The following TRIM54 variants were observed in gnomAD, a reference collection of about 807,000 sequenced individuals.
TRIM54 encodes tripartite motif-containing protein 54.
In TRIM54, 40 loss-of-function variants were observed where a neutral mutation model predicts 42.0. That is an observed-to-expected ratio of 0.95 (90% CI 0.74 to 1.24). The LOEUF is 1.24. TRIM54 is among the 50% of genes most tolerant of loss of function. The pLI is 0.00. For missense variants in TRIM54, 485 were observed against 480.3 expected (o/e 1.01, Z -0.09); for synonymous variants, 199 against 194.9 (o/e 1.02, Z -0.17).
chr2:27,285,372 C>T (rs10190503), intron 1 of TRIM54, among the ~76,000 whole-genome samples: 7,563 of 152,206 alleles, frequency 0.05, 595 homozygotes, highest in African/African-American at 0.17. Flanking sequence ...TTTTCCTCTA[C>T]CTTCAAACCA....
At chr2:27,296,840 C>G (rs1381281811) in intron 1 of TRIM54, among the ~76,000 whole-genome samples, 2 of 152,090 alleles carry the variant, frequency 1.3e-5, no homozygotes, top group African/African-American at 2.4e-5. Flanking sequence ...CTCACTGCAG[C>G]CTCTGTCTCC....
At chr2:27,303,174 C>T (rs889437736) in intron 3 of TRIM54, among the ~76,000 whole-genome samples, 2 of 152,138 alleles carry the variant, frequency 1.3e-5, no homozygotes, top group Non-Finnish European at 2.9e-5. Context: ...CAGCATTTCG[C>T]AGAGGACCAG....
chr2:27,285,745 T>G (rs1412008059), intron 1 of TRIM54, among the ~76,000 whole-genome samples: 1 of 152,232 alleles, frequency 6.6e-6, no homozygotes, highest in Non-Finnish European at 1.5e-5. Flanking sequence ...AATAGCTGTG[T>G]AGTTTTCATT....
rs1046828131 is a variant in TRIM54 at position 27,306,567 on chromosome 2, A to G, written c.*1+25A>G. ...GGTGAGAGCCGCCCGATGGGCCTTA[A>G]GGTGAGAGCGGCCTGAGGGGCTTGG... On this transcript the variant is annotated intron_variant, in intron 8 of 8. Coordinates refer to ENST00000380075, the MANE Select transcript of TRIM54 (RefSeq NM_187841.3). The surrounding 1 kb of genome is among the most constrained non-coding windows in gnomAD (Gnocchi z 6.1). The G allele has an allele frequency of 6.6e-6, 10 of 1,516,980 alleles. No individual in the cohort carries two copies. In the African/African-American group the frequency reaches 1.1e-4, roughly 17 times the overall value. 94.0% of individuals were successfully genotyped at this position (1,516,980 alleles called of 1,614,324 possible).
intron 1 of TRIM54, among the ~76,000 whole-genome samples, chr2:27,286,374 C>T (rs1416910147): frequency 1.3e-5 from 2 of 152,142 alleles, no homozygotes; most frequent in East Asian, 1.9e-4. Flanking sequence ...AACTCTTTCT[C>T]TCTGAATTGA....
chr2:27,306,477 A>G lies in TRIM54; in HGVS notation c.1013A>G (p.Glu338Gly), dbSNP rs1438948633. The change falls in exon 8 of 9, where the codon GAG (glutamate) becomes GGG (glycine). Residue 338 changes from glutamate to glycine, a missense_variant. Transcript: ENST00000380075. The surrounding 1 kb of genome is among the most constrained non-coding windows in gnomAD (Gnocchi z 6.1). ...TCAGGCGCTTCCGGGGAGGAAGAGGAGGTGGCCCCAGACGGAGAGGAGGGC... is the reference window on the plus strand; with the variant it reads ...TCAGGCGCTTCCGGGGAGGAAGAGGGGGTGGCCCCAGACGGAGAGGAGGGC... The part of the protein sequence containing the change: ...FQPGASGEEE[E>G]VAPDGEEGSA... 2.5e-6 allele frequency: 4 copies of G among 1,589,926 alleles called. No homozygotes were observed. The highest frequency in any genetic ancestry group is 1.1e-5 in the South Asian group (1 of 88,686).
chr2:27,300,361 C>T (rs529448031), intron 3 of TRIM54, among the ~76,000 whole-genome samples: 12 of 151,728 alleles, frequency 7.9e-5, no homozygotes, highest in African/African-American at 1.7e-4. Context: ...TTAGTAGAGA[C>T]GGGGCTTCAC....
In TRIM54 at chr2:27,307,323, C is replaced by T; in HGVS notation, c.*438C>T. The T allele has an allele frequency of 1.1e-6, 1 of 895,384 alleles. No individual in the cohort carries two copies. Among genetic ancestry groups the T allele is most frequent in the Non-Finnish European group, 1.6e-6 (1 of 611,252 alleles). 55.5% of individuals were successfully genotyped at this position (895,384 alleles called of 1,614,324 possible). ...CCCCCCACAGCATTTTGTTCCCCTC[C>T]CGCTGGCCCGGGGGCCCCACCTTCC... On this transcript the variant is annotated 3_prime_UTR_variant, in exon 9 of 9. Transcript: ENST00000380075. This position sits in a 1 kb window ranked among gnomAD's most constrained non-coding sequence, Gnocchi z 6.9.
At chr2:27,302,424 C>T (rs143965576) in intron 3 of TRIM54, among the ~76,000 whole-genome samples, 130 of 151,434 alleles carry the variant, frequency 8.6e-4, no homozygotes, top group African/African-American at 2.9e-3. Flanking sequence ...CCAGCCTGGG[C>T]GACAGAGCGA....
In TRIM54 at chr2:27,282,518, G is replaced by A. The variant is rs185109450; in HGVS notation, c.-214G>A. ...GAGAGAGAGGGATAGCTAAAACTAC[G>A]TGAGCCTGGCGAGGGTGCAGAGCAG... On this transcript the variant is annotated 5_prime_UTR_variant, in exon 1 of 9. It adds an upstream start codon to the 5' untranslated region. Transcript: ENST00000380075. 110 of 413,490 alleles carry A rather than the reference G, an allele frequency of 2.7e-4. No homozygotes were observed. The East Asian group carries it at 4.1e-3, about 15-fold the overall frequency. 25.6% of individuals were successfully genotyped at this position (413,490 alleles called of 1,614,324 possible).
At position 27,299,751 on chromosome 2, in the gene TRIM54, G is replaced by T. The variant is rs1191295118; in HGVS notation, c.513+335G>T. The T allele has an allele frequency of 5.0e-6, 3 of 601,936 alleles. No homozygotes were observed. In the African/African-American group the frequency reaches 5.6e-5, roughly 11 times the overall value. The allele number at this position is 601,936 out of a possible 1,614,324, so 37.3% of individuals were successfully genotyped here. A position where few individuals can be genotyped will look rare whatever the true frequency, so the allele number is the denominator to read the frequency against. ...GATGGAGTCTCGCTCTGTCGCCCAG[G>T]CTGGAGTGCAGTGGTGCAGTCTTGG... On this transcript the variant is annotated intron_variant, in intron 3 of 8. Coordinates refer to ENST00000380075, the MANE Select transcript of TRIM54 (RefSeq NM_187841.3).
At chr2:27,294,834 G>T (rs1208135211) in intron 1 of TRIM54, among the ~76,000 whole-genome samples, 2 of 138,828 alleles carry the variant, frequency 1.4e-5, no homozygotes, top group African/African-American at 5.4e-5. Context: ...AGGTTGCAGT[G>T]AGCTGAGATT....
chr2:27,297,185 CTT>C (rs1469768652), intron 1 of TRIM54, among the ~76,000 whole-genome samples: 7 of 152,226 alleles, frequency 4.6e-5, no homozygotes, highest in Non-Finnish European at 8.8e-5. Flanking sequence ...CACATAGACT[CTT>C]TTCTCTGTAG....
At chr2:27,285,029 G>A (rs1419966751) in intron 1 of TRIM54, among the ~76,000 whole-genome samples, 1 of 152,192 alleles carries the variant, frequency 6.6e-6, no homozygotes, top group Non-Finnish European at 1.5e-5. Context: ...AGAATATTTG[G>A]AGATAACATG....
At chr2:27,283,780 G>GCACACACACACACA (rs1311012339) in intron 1 of TRIM54, among the ~76,000 whole-genome samples, 2 of 76,510 alleles carry the variant, frequency 2.6e-5, no homozygotes, top group African/African-American at 1.7e-4. Flanking sequence ...ACACACACAC[G>GCACACACACACACA]CGCGCACACA....
At chr2:27,299,144 A>G (rs1678951301) in intron 2 of TRIM54, 101 bp from the exon 3 acceptor site, 4 of 1,346,324 alleles carry the variant, frequency 3.0e-6, no homozygotes, top group Admixed American at 3.8e-5. Context: ...CACTAGCTGC[A>G]GGGGCGGAGA....
intron 1 of TRIM54, among the ~76,000 whole-genome samples, chr2:27,283,768 A>ACG (rs1678459402): frequency 3.0e-4 from 28 of 93,936 alleles, no homozygotes; most frequent in African/African-American, 1.5e-3. Context: ...GCAAAGGCAC[A>ACG]CACACACACA....
chr2:27,305,921 T>C (rs924951618), intron 5 of TRIM54, 104 bp downstream of exon 5: 2 of 1,364,776 alleles, frequency 1.5e-6, no homozygotes, highest in Non-Finnish European at 1.0e-6. Context: ...TGCTTGCCCC[T>C]ACGACCTTGG....
chr2:27,305,767 G>T lies in TRIM54; in HGVS notation c.793G>T (p.Glu265Ter), dbSNP rs1402920169. Residue 265 changes from glutamate to a stop codon, truncating the protein, a stop_gained, in exon 5 of 9, where the codon GAG becomes TAG. Transcript: ENST00000380075. LOFTEE classifies it high-confidence loss of function. Reference protein sequence around the residue: ...DHLEASSKLVESAIQSMEEPQ... With the variant: ...DHLEASSKLV ...CCTGGAGGCCTCCTCTAAGCTGGTG[G>T]AGTCTGCCATCCAGTCCATGGAAGA... The T allele has an allele frequency of 1.9e-6, 3 of 1,611,320 alleles. No individual in the cohort carries two copies. Among genetic ancestry groups the T allele is most frequent in the Non-Finnish European group, 2.5e-6 (3 of 1,178,900 alleles).
Sources: allele counts gnomAD v4.1 joint callset (sites outside exome capture counted in the v4.1 genomes callset), GRCh38; gene constraint gnomAD v4.1.1; non-coding constraint Gnocchi (gnomAD v3.1); transcripts MANE v1.5; gene names NCBI Gene and HGNC (gene_info 2026-07-23, HGNC 2026-07-21).